The following GALNTL6 variants were observed in gnomAD, a reference collection of about 807,000 sequenced individuals.
The protein encoded by GALNTL6 is polypeptide N-acetylgalactosaminyltransferase like 6.
Under a neutral mutation model 73.7 loss-of-function variants are expected in GALNTL6, and 46 were observed. That is an observed-to-expected ratio of 0.62 (90% CI 0.49 to 0.80). GALNTL6 has a LOEUF of 0.80. Ranked by LOEUF, GALNTL6 falls within the 30% of genes least tolerant of loss-of-function variation. The probability of loss-of-function intolerance (pLI) is 0.00; values close to 1 mark genes in which losing one functional copy is unlikely to be tolerated. For synonymous variants in GALNTL6, 259 were observed against 263.7 expected (o/e 0.98, Z 0.17); for missense variants, 604 against 755.0 (o/e 0.80, Z 2.34).
At chr4:172,651,073 G>A (rs1055069088) in intron 5 of GALNTL6, among the ~76,000 whole-genome samples, 2 of 152,122 alleles carry the variant, frequency 1.3e-5, no homozygotes, top group African/African-American at 4.8e-5. Flanking sequence ...TTGATGATTA[G>A]AACTTAGTCA....
chr4:172,881,981 G>C (rs987655564), intron 7 of GALNTL6, among the ~76,000 whole-genome samples: 1 of 150,878 alleles, frequency 6.6e-6, no homozygotes, highest in Non-Finnish European at 1.5e-5. Context: ...AGGTAATTAG[G>C]TATAGATTTT....
intron 10 of GALNTL6, among the ~76,000 whole-genome samples, chr4:172,982,779 A>C (rs150714378): frequency 4.6e-5 from 7 of 152,364 alleles, no homozygotes; most frequent in Admixed American, 4.6e-4. Flanking sequence ...ATAATACGAA[A>C]AAAATTTTTT....
chr4:172,251,303 G>A (rs1366149657), intron 3 of GALNTL6, among the ~76,000 whole-genome samples: 1 of 152,044 alleles, frequency 6.6e-6, no homozygotes, highest in Non-Finnish European at 1.5e-5. Context: ...AGCAGGTGGG[G>A]AGTAATTTGC....
intron 5 of GALNTL6, chr4:172,668,120 G>A (rs1418676689): frequency 6.6e-6 from 1 of 152,052 alleles, no homozygotes. Flanking sequence ...TGTCTAGAAA[G>A]CATGAAAAAA....
rs17057506 is a variant in GALNTL6, at chr4:171,861,226, G to T, written c.138+46508G>T. On this transcript the variant is annotated intron_variant, in intron 2 of 12. Coordinates refer to ENST00000506823, the MANE Select transcript of GALNTL6 (RefSeq NM_001034845.3). ...TGAAGAGAGAGTTTACCTCCTGAGT[G>T]TTCCTTTCCTCAAGGATCACAGTGT... Among the ~76,000 whole-genome samples, 337 of 152,190 alleles carry T rather than the reference G, an allele frequency of 2.2e-3. 10 individuals are homozygous for T. In the East Asian group the frequency reaches 0.055, roughly 25 times the overall value.
At chr4:172,397,190 GT>G (rs1743879502) in intron 5 of GALNTL6, among the ~76,000 whole-genome samples, 1 of 152,148 alleles carries the variant, frequency 6.6e-6, no homozygotes, top group African/African-American at 2.4e-5. Flanking sequence ...GATGTAAACT[GT>G]TTTAGGAGTC....
At chr4:172,015,375 T>G (rs1741154977) in intron 2 of GALNTL6, among the ~76,000 whole-genome samples, 1 of 152,110 alleles carries the variant, frequency 6.6e-6, no homozygotes, top group Non-Finnish European at 1.5e-5. Context: ...TCGTGCTTGC[T>G]TTTGGTTTCC....
chr4:172,959,487 G>C (rs992670486), intron 10 of GALNTL6, among the ~76,000 whole-genome samples: 1 of 151,992 alleles, frequency 6.6e-6, no homozygotes, highest in African/African-American at 2.4e-5. Context: ...AGGGAAACAG[G>C]CCCTTGAAAA....
intron 2 of GALNTL6, among the ~76,000 whole-genome samples, chr4:171,883,119 G>A (rs1473644330): frequency 6.6e-6 from 1 of 152,120 alleles, no homozygotes; most frequent in Non-Finnish European, 1.5e-5. Context: ...GGGAGGCCAA[G>A]GCAGGTATAT....
chr4:172,549,736 A>T (rs538422796), intron 5 of GALNTL6, among the ~76,000 whole-genome samples: 1 of 152,190 alleles, frequency 6.6e-6, no homozygotes, highest in African/African-American at 2.4e-5. Context: ...ATTTTTAAGT[A>T]CAAAAGTATT....
intron 5 of GALNTL6, among the ~76,000 whole-genome samples, chr4:172,442,649 T>C (rs931051837): frequency 3.9e-5 from 6 of 152,184 alleles, no homozygotes; most frequent in African/African-American, 1.2e-4. Flanking sequence ...CGCTCATGCC[T>C]TGCTTACTCT....
chr4:172,917,991 A>T (rs898919645), intron 8 of GALNTL6, among the ~76,000 whole-genome samples: 7 of 152,246 alleles, frequency 4.6e-5, no homozygotes, highest in Admixed American at 1.3e-4. Context: ...AAAGACTTGG[A>T]ACCAACCCAA....
chr4:172,545,337 G>T (rs1735707243), intron 5 of GALNTL6, among the ~76,000 whole-genome samples: 2 of 152,232 alleles, frequency 1.3e-5, no homozygotes, highest in African/African-American at 2.4e-5. Context: ...AAAAGGTGAA[G>T]ATCCGTGGGT....
intron 5 of GALNTL6, among the ~76,000 whole-genome samples, chr4:172,461,578 C>T (rs906796274): frequency 5.3e-5 from 8 of 151,750 alleles, no homozygotes; most frequent in African/African-American, 1.7e-4. Context: ...TCACTCTGGC[C>T]CAAAAAAGGA....
chr4:171,951,780 A>T (rs28715799), intron 2 of GALNTL6, among the ~76,000 whole-genome samples: 2,092 of 152,154 alleles, frequency 0.014, 46 homozygotes, highest in African/African-American at 0.048. Flanking sequence ...GAATCAAGAA[A>T]TTACGCTAAA....
intron 3 of GALNTL6, among the ~76,000 whole-genome samples, chr4:172,237,863 T>C (rs938177044): frequency 6.6e-6 from 1 of 152,164 alleles, no homozygotes; most frequent in African/African-American, 2.4e-5. Context: ...CCCATGCTTG[T>C]TTTTGTCAGC....
intron 2 of GALNTL6, among the ~76,000 whole-genome samples, chr4:171,987,088 C>G (rs890127938): frequency 6.6e-6 from 1 of 152,068 alleles, no homozygotes; most frequent in East Asian, 1.9e-4. Context: ...AGACTGGGGC[C>G]TAATAAAAAG....
chr4:172,191,269 T>C (rs1020193167), intron 2 of GALNTL6, among the ~76,000 whole-genome samples: 1 of 152,208 alleles, frequency 6.6e-6, no homozygotes, highest in African/African-American at 2.4e-5. Context: ...TTTCTGACCG[T>C]AATTCTCTCT....
intron 2 of GALNTL6, among the ~76,000 whole-genome samples, chr4:172,206,975 G>T (rs1014800619): frequency 2.0e-5 from 3 of 151,282 alleles, no homozygotes; most frequent in Non-Finnish European, 2.9e-5. Context: ...CCACCACCAC[G>T]CCCGGCTAGT....
Sources: allele counts gnomAD v4.1 joint callset (sites outside exome capture counted in the v4.1 genomes callset), GRCh38; gene constraint gnomAD v4.1.1; transcripts MANE v1.5; gene names NCBI Gene and HGNC (gene_info 2026-07-23, HGNC 2026-07-21).